CEP128: variants seen among roughly 807,000 people sequenced by gnomAD.
CEP128 encodes centrosomal protein 128kDa.
A neutral mutation model predicts 156.7 loss-of-function variants in CEP128; 132 were observed. That is an observed-to-expected ratio of 0.84 (90% CI 0.73 to 0.97). The LOEUF is 0.97. CEP128 is among the 50% of genes least tolerant of loss of function. CEP128 has a pLI of 0.00. For missense variants in CEP128, 1,252 were observed against 1,281.9 expected (o/e 0.98, Z 0.36); for synonymous variants, 469 against 448.9 (o/e 1.04, Z -0.57).
rs1023123940 is a variant in CEP128 at position 80,761,549 on chromosome 14, T to G, written c.2441A>C (p.Lys814Thr). ...AGTCTCCAAGCAAAGAAGTTGATCC[T>G]TGAGCTGCAATCTGGCCTCTTCCAT... ...RRMEEARLQL[K>T]DQLLCLETEQ... Residue 814 changes from lysine to threonine, a missense_variant, in exon 17 of 25, where the codon AAG (lysine) becomes ACG (threonine). Coordinates refer to ENST00000555265, the MANE Select transcript of CEP128 (RefSeq NM_152446.5). 6.2e-7 allele frequency: 1 copy of G among 1,613,102 alleles called. No individual in the cohort carries two copies. Among genetic ancestry groups the G allele is most frequent in the East Asian group, 2.2e-5 (1 of 44,858 alleles).
downstream of CEP128, among the ~76,000 whole-genome samples, chr14:80,485,642 TAG>T (rs1335829233): frequency 6.6e-6 from 1 of 152,164 alleles, no homozygotes; most frequent in Non-Finnish European, 1.5e-5. Flanking sequence ...TAACATATAA[TAG>T]AGACTTTTTT....
chr14:80,573,081 CCTGA>C (rs1405335717), intron 20 of CEP128, among the ~76,000 whole-genome samples: 21 of 140,410 alleles, frequency 1.5e-4, no homozygotes, highest in African/African-American at 3.8e-4. Context: ...GGCTACCACG[CCTGA>C]CTAATTTTTT....
At chr14:80,819,647 G>A (rs920011673) in intron 13 of CEP128, among the ~76,000 whole-genome samples, 1 of 151,972 alleles carries the variant, frequency 6.6e-6, no homozygotes, top group Admixed American at 6.6e-5. Flanking sequence ...ATTACTTTGG[G>A]GATTAGATTT....
chr14:80,784,585 G>A (rs561461754), intron 15 of CEP128, among the ~76,000 whole-genome samples: 3 of 152,214 alleles, frequency 2.0e-5, no homozygotes, highest in Non-Finnish European at 4.4e-5. Flanking sequence ...ATTTTAGGAG[G>A]TCATAAATGT....
chr14:80,848,524 CTT>C (rs1485249366), intron 9 of CEP128, among the ~76,000 whole-genome samples: 1 of 151,908 alleles, frequency 6.6e-6, no homozygotes, highest in African/African-American at 2.4e-5. Context: ...AGCTGGGTGT[CTT>C]GGCGCATGCT....
chr14:80,492,976 T>G (rs577175975), downstream of CEP128, among the ~76,000 whole-genome samples: 1 of 152,132 alleles, frequency 6.6e-6, no homozygotes, highest in African/African-American at 2.4e-5. Flanking sequence ...AAAATATATA[T>G]ATATTGCTTC....
At chr14:80,712,326 A>G (rs1336118372) in intron 19 of CEP128, among the ~76,000 whole-genome samples, 1 of 152,132 alleles carries the variant, frequency 6.6e-6, no homozygotes, top group Non-Finnish European at 1.5e-5. Context: ...TCAGGGTACA[A>G]CTGACAACCT....
chr14:80,731,978 A>G (rs1276018425), intron 19 of CEP128, among the ~76,000 whole-genome samples: 1 of 152,130 alleles, frequency 6.6e-6, no homozygotes, highest in Non-Finnish European at 1.5e-5. Context: ...ATTATAGGGG[A>G]GTGTAGCTTC....
At position 80,557,564 on chromosome 14, in the gene CEP128, G is replaced by C. The variant is rs553964608; in HGVS notation, c.2880+1715C>G. On this transcript the variant is annotated intron_variant, in intron 21 of 24. Coordinates refer to ENST00000555265, the MANE Select transcript of CEP128 (RefSeq NM_152446.5). ...TTCTGTTGGCAAGACACTTTCTAAGGGTAAGTAAAATATATGTGGAAGAAC... is the reference window on the plus strand; with the variant it reads ...TTCTGTTGGCAAGACACTTTCTAAGCGTAAGTAAAATATATGTGGAAGAAC... Among the ~76,000 whole-genome samples the C allele has an allele frequency of 3.8e-4, 58 of 152,070 alleles. No individual in the cohort carries two copies. In the East Asian group the frequency reaches 0.01, roughly 27 times the overall value.
At chr14:80,751,994 A>G (rs2840052) in intron 18 of CEP128, among the ~76,000 whole-genome samples, 15,759 of 152,198 alleles carry the variant, frequency 0.1, 1,337 homozygotes, top group East Asian at 0.44. Flanking sequence ...GGGAATATTC[A>G]TAAGTATCTA....
chr14:80,845,449 G>A (rs17111167), intron 9 of CEP128, among the ~76,000 whole-genome samples: 18,090 of 152,088 alleles, frequency 0.12, 1,568 homozygotes, highest in East Asian at 0.45. Flanking sequence ...GTTTTTATCC[G>A]AGTAGTTTCC....
chr14:80,709,527 T>A (rs574593183), intron 19 of CEP128, among the ~76,000 whole-genome samples: 1 of 152,204 alleles, frequency 6.6e-6, no homozygotes, highest in African/African-American at 2.4e-5. Context: ...TGCCTTTTCA[T>A]TCTTCCAAAT....
chr14:80,562,661 T>C lies in CEP128; in HGVS notation c.2857-3359A>G, dbSNP rs867691985. ...ACAGTGTAGCTTTTCTTTTCTTTTT[T>C]TTTTTTTTTTTTTTTTGGAGACAGG... is the stretch of plus-strand genomic sequence containing the variant. On this transcript the variant is annotated intron_variant, in intron 20 of 24. Transcript: ENST00000555265. 1.4e-3 allele frequency among the ~76,000 whole-genome samples: 201 copies of C among 145,388 alleles called. 1 individual carries two copies. The Middle Eastern group carries it at 0.021, about 15-fold the overall frequency.
intron 19 of CEP128, among the ~76,000 whole-genome samples, chr14:80,663,146 G>A (rs955554515): frequency 6.6e-6 from 1 of 152,178 alleles, no homozygotes; most frequent in Non-Finnish European, 1.5e-5. Context: ...GCCCCGGGCT[G>A]AGAGAGCAGG....
intron 19 of CEP128, among the ~76,000 whole-genome samples, chr14:80,583,599 C>T (rs944192046): frequency 2.6e-5 from 4 of 152,088 alleles, no homozygotes; most frequent in Non-Finnish European, 4.4e-5. Flanking sequence ...CCTGGTGTTT[C>T]GAAGTCTGTA....
At chr14:80,948,846 T>C (rs1886399667) in intron 2 of CEP128, among the ~76,000 whole-genome samples, 1 of 152,248 alleles carries the variant, frequency 6.6e-6, no homozygotes, top group South Asian at 2.1e-4. Context: ...AATTGTCTTA[T>C]TAATTGTCAT....
At chr14:80,849,648 T>C (rs72693013) in intron 9 of CEP128, among the ~76,000 whole-genome samples, 54,775 of 151,986 alleles carry the variant, frequency 0.36, 10,320 homozygotes, top group South Asian at 0.51. Flanking sequence ...AAAAAGGGAT[T>C]TGGGGTACTT....
intron 19 of CEP128, among the ~76,000 whole-genome samples, chr14:80,681,671 G>A (rs1345634583): frequency 1.3e-5 from 2 of 152,192 alleles, no homozygotes; most frequent in Non-Finnish European, 1.5e-5. Context: ...TCTTCTCCCT[G>A]CCGCCTTATG....
At chr14:80,716,141 A>T (rs955098000) in intron 19 of CEP128, among the ~76,000 whole-genome samples, 1 of 152,192 alleles carries the variant, frequency 6.6e-6, no homozygotes, top group Non-Finnish European at 1.5e-5. Flanking sequence ...AGTTGATAGG[A>T]TTATTCAATG....
Sources: gnomAD v4.1 joint callset for allele counts (sites outside exome capture counted in the v4.1 genomes callset) on GRCh38, gnomAD v4.1.1 for gene constraint, MANE v1.5 for transcripts, NCBI Gene and HGNC (gene_info 2026-07-23, HGNC 2026-07-21) for gene names.